PALM2AKAP2: variants seen among roughly 807,000 people sequenced by gnomAD.
PALM2AKAP2 encodes PALM2 and AKAP2 fusion.
A neutral mutation model predicts 71.5 loss-of-function variants in PALM2AKAP2; 37 were observed. That is an observed-to-expected ratio of 0.52 (90% CI 0.40 to 0.68). PALM2AKAP2 has a LOEUF of 0.68. PALM2AKAP2 is among the 30% of genes least tolerant of loss of function. PALM2AKAP2 has a pLI of 0.00. For missense variants in PALM2AKAP2, 1,224 were observed against 1,191.8 expected (o/e 1.03, Z -0.40); for synonymous variants, 468 against 478.8 (o/e 0.98, Z 0.29).
chr9:110,117,323 C>G (rs1362136754), intron 1 of PALM2AKAP2, among the ~76,000 whole-genome samples: 1 of 152,128 alleles, frequency 6.6e-6, no homozygotes, highest in Non-Finnish European at 1.5e-5. Flanking sequence ...TGGGGTCCCA[C>G]TATGTTGCCC....
At chr9:109,744,826 G>T (rs1387442010) in intron 1 of PALM2AKAP2, among the ~76,000 whole-genome samples, 1 of 152,130 alleles carries the variant, frequency 6.6e-6, no homozygotes, top group African/African-American at 2.4e-5. Context: ...AATGATGTCT[G>T]TCAAATCCAG....
chr9:109,644,040 A>G (rs944618140), intron 1 of PALM2AKAP2, among the ~76,000 whole-genome samples: 1 of 151,962 alleles, frequency 6.6e-6, no homozygotes, highest in Non-Finnish European at 1.5e-5. Flanking sequence ...TCTCAGGGGA[A>G]CTCACTCACT....
At chr9:109,911,029 G>A (rs1830556900) in intron 3 of PALM2AKAP2, among the ~76,000 whole-genome samples, 2 of 152,126 alleles carry the variant, frequency 1.3e-5, no homozygotes, top group South Asian at 2.1e-4. Flanking sequence ...GGGGAGAGGG[G>A]ATAGTTAATG....
intron 1 of PALM2AKAP2, among the ~76,000 whole-genome samples, chr9:109,656,770 G>A (rs77624845): frequency 0.063 from 9,556 of 152,290 alleles, 396 homozygotes; most frequent in Non-Finnish European, 0.084. Flanking sequence ...ATGGTGAGAA[G>A]TGGTCGGATT....
rs1233000565 is a variant in PALM2AKAP2, at chr9:110,029,084, T to G, written c.582+13045T>G. Among the ~76,000 whole-genome samples, 4 of 152,216 alleles carry G rather than the reference T, an allele frequency of 2.6e-5. No individual in the cohort carries two copies. The East Asian group carries it at 7.7e-4, about 29-fold the overall frequency. On this transcript the variant is annotated intron_variant, in intron 7 of 9. Coordinates refer to the PALM2AKAP2 transcript ENST00000302798. ...AGGGACATCCCTTGATATGCTTCTT[T>G]GCTAGGAATCCAAATCTGATCCATG...
intron 1 of PALM2AKAP2, among the ~76,000 whole-genome samples, chr9:109,736,386 G>C (rs1004696957): frequency 6.6e-6 from 1 of 152,050 alleles, no homozygotes; most frequent in Non-Finnish European, 1.5e-5. Context: ...GAATGGTCTA[G>C]GTGTTATGAA....
intron 6 of PALM2AKAP2, among the ~76,000 whole-genome samples, chr9:110,007,580 T>A (rs1363949342): frequency 6.6e-6 from 1 of 152,128 alleles, no homozygotes. Context: ...ATTGTACTTA[T>A]TGGGAGATTT....
chr9:110,010,109 G>A (rs1373712602), intron 6 of PALM2AKAP2, among the ~76,000 whole-genome samples: 1 of 152,092 alleles, frequency 6.6e-6, no homozygotes, highest in Non-Finnish European at 1.5e-5. Flanking sequence ...ATTTCTGAGA[G>A]GTCTTTATAA....
At chr9:110,048,019 A>G (rs1833630848), upstream of PALM2AKAP2, among the ~76,000 whole-genome samples, 1 of 152,090 alleles carries the variant, frequency 6.6e-6, no homozygotes, top group Admixed American at 6.5e-5. Flanking sequence ...ACCGGCTGCC[A>G]CTACACGGAG....
chr9:110,146,706 C>G (rs1423016428), intron 2 of PALM2AKAP2, among the ~76,000 whole-genome samples: 1 of 152,126 alleles, frequency 6.6e-6, no homozygotes, highest in Non-Finnish European at 1.5e-5. Flanking sequence ...GTGTACTTCC[C>G]TAAGGAGACT....
chr9:109,730,929 A>G (rs957204620), intron 1 of PALM2AKAP2, among the ~76,000 whole-genome samples: 1 of 151,604 alleles, frequency 6.6e-6, no homozygotes. Flanking sequence ...ATAACATAAC[A>G]TCCCTTATAC....
intron 2 of PALM2AKAP2, among the ~76,000 whole-genome samples, chr9:110,147,920 A>G (rs1836218598): frequency 6.6e-6 from 1 of 152,190 alleles, no homozygotes; most frequent in Non-Finnish European, 1.5e-5. Context: ...CTTCCTTAGA[A>G]TTAACATTTC....
At chr9:109,732,076 C>T (rs1480075634) in intron 1 of PALM2AKAP2, among the ~76,000 whole-genome samples, 4 of 152,152 alleles carry the variant, frequency 2.6e-5, no homozygotes, top group African/African-American at 9.7e-5. Context: ...CAGGAAGACC[C>T]CAACGAGACC....
At chr9:110,136,988 G>A (rs765456063) in exon 2 of PALM2AKAP2, 6 of 1,613,966 alleles carry the variant, frequency 3.7e-6, no homozygotes, top group Admixed American at 1.7e-5. Flanking sequence ...AAAAACCATC[G>A]AGGAGCAGCT....
At chr9:110,022,514 G>A (rs1833091191) in intron 7 of PALM2AKAP2, among the ~76,000 whole-genome samples, 1 of 150,484 alleles carries the variant, frequency 6.6e-6, no homozygotes, top group Admixed American at 6.6e-5. Context: ...CACATCTTTG[G>A]CTCAAATATT....
At chr9:109,964,785 G>A (rs1441499858) in intron 6 of PALM2AKAP2, among the ~76,000 whole-genome samples, 4 of 152,174 alleles carry the variant, frequency 2.6e-5, no homozygotes, top group African/African-American at 9.7e-5. Flanking sequence ...ATCAAAAAAT[G>A]GCAAATAACT....
chr9:109,665,403 A>T (rs1053051055), intron 1 of PALM2AKAP2, among the ~76,000 whole-genome samples: 8 of 152,178 alleles, frequency 5.3e-5, no homozygotes, highest in African/African-American at 1.9e-4. Context: ...TGTTGATGCT[A>T]TTCCTTTCTG....
intron 3 of PALM2AKAP2, among the ~76,000 whole-genome samples, chr9:110,160,221 G>A (rs145550689): frequency 1.3e-5 from 2 of 152,208 alleles, no homozygotes; most frequent in Admixed American, 6.5e-5. Context: ...AGGGGACTGG[G>A]CTTTAGTACC....
intron 1 of PALM2AKAP2, among the ~76,000 whole-genome samples, chr9:109,659,069 A>G (rs1346612518): frequency 2.0e-5 from 3 of 152,180 alleles, no homozygotes; most frequent in African/African-American, 4.8e-5. Context: ...TTAATGCTCA[A>G]TCTTTCATCA....
Sources: gnomAD v4.1 joint callset for allele counts (sites outside exome capture counted in the v4.1 genomes callset) on GRCh38, gnomAD v4.1.1 for gene constraint, MANE v1.5 for transcripts, NCBI Gene and HGNC (gene_info 2026-07-23, HGNC 2026-07-21) for gene names.